ADGRB3: variants seen among roughly 807,000 people sequenced by gnomAD.
The protein encoded by ADGRB3 is brain-specific angiogenesis inhibitor 3.
ADGRB3 carries 37 observed loss-of-function variants against 193.4 expected under a neutral mutation model. The ratio of observed to expected loss-of-function variants is 0.19; its 90% CI spans 0.15 to 0.25. The LOEUF is 0.25. Ranked by LOEUF, ADGRB3 falls within the 10% of genes least tolerant of loss-of-function variation. ADGRB3 has a pLI of 1.00. For synonymous variants in ADGRB3, 690 were observed against 644.2 expected, an observed-to-expected ratio of 1.07 and a Z score of -1.08; for missense variants, 1,637 against 1,852.9, an observed-to-expected ratio of 0.88 and a Z score of 2.14.
chr6:68,785,743 C>T (rs1410495006), intron 3 of ADGRB3, among the ~76,000 whole-genome samples: 1 of 152,108 alleles, frequency 6.6e-6, no homozygotes. Flanking sequence ...CCAACTTCCA[C>T]AATGGTTGAA....
rs767737769 is a variant in ADGRB3, at chr6:69,048,343, C to G, written c.2257+9C>G. The G allele has an allele frequency of 6.2e-6, 10 of 1,609,934 alleles. No individual in the cohort carries two copies. The African/African-American group carries it at 1.3e-4, about 22-fold the overall frequency. On this transcript the variant is annotated intron_variant, in intron 14 of 31. Transcript: ENST00000370598. ...TCCGGTGTCATCAAAAGGTAAATAT[C>G]TGAAATAATATGAGCTTGAACAAGA...
intron 3 of ADGRB3, among the ~76,000 whole-genome samples, chr6:68,677,129 T>G (rs1281512079): frequency 6.6e-6 from 1 of 152,330 alleles, no homozygotes; most frequent in African/African-American, 2.4e-5. Flanking sequence ...GAATACGTAC[T>G]ATATTGGCGA....
At chr6:69,290,754 ATATATAG>A (rs1337917020) in intron 20 of ADGRB3, among the ~76,000 whole-genome samples, 1 of 152,206 alleles carries the variant, frequency 6.6e-6, no homozygotes, top group African/African-American at 2.4e-5. Context: ...TATGTCTATC[ATATATAG>A]CAGTATCACA....
chr6:68,883,042 C>T lies in ADGRB3; in HGVS notation c.758-47517C>T, dbSNP rs551102456. On this transcript the variant is annotated intron_variant, in intron 3 of 31. Transcript: ENST00000370598. ...CGGAGTAGCTGGGACTACAGGTGCCCGCCACAATTACCAGCTAATTTTTTT... is the reference window on the plus strand; with the variant it reads ...CGGAGTAGCTGGGACTACAGGTGCCTGCCACAATTACCAGCTAATTTTTTT... Among the ~76,000 whole-genome samples the T allele has an allele frequency of 1.7e-3, 253 of 152,096 alleles. 3 individuals carry two copies. The highest frequency in any genetic ancestry group is 5.9e-3 in the African/African-American group (243 of 41,480).
chr6:69,315,584 A>C (rs569659044), intron 20 of ADGRB3, among the ~76,000 whole-genome samples: 1 of 151,460 alleles, frequency 6.6e-6, no homozygotes, highest in Non-Finnish European at 1.5e-5. Flanking sequence ...ATATGCAGTT[A>C]TTAGTGCAGC....
chr6:68,853,745 A>G (rs188133240), intron 3 of ADGRB3, among the ~76,000 whole-genome samples: 14 of 150,880 alleles, frequency 9.3e-5, no homozygotes, highest in Non-Finnish European at 1.8e-4. Flanking sequence ...TCAGACTTGC[A>G]AAAAAAAAGT....
rs189015368 is a variant in ADGRB3, at chr6:68,997,323, G to A, written c.1929+3361G>A. On this transcript the variant is annotated intron_variant, in intron 11 of 31. Transcript: ENST00000370598. ...AACCATGAAGACCTTGAAAACTTTT[G>A]AAGGCCTTTAATATGGCTGTGATGA... 3.3e-5 allele frequency among the ~76,000 whole-genome samples: 5 copies of A among 151,906 alleles called. No individual in the cohort carries two copies. The East Asian group carries it at 7.8e-4, about 24-fold the overall frequency.
intron 3 of ADGRB3, among the ~76,000 whole-genome samples, chr6:68,823,438 A>G (rs1767784448): frequency 6.6e-6 from 1 of 152,034 alleles, no homozygotes; most frequent in Non-Finnish European, 1.5e-5. Context: ...ATAACTAAAT[A>G]GATACTAATA....
At chr6:68,877,201 A>G (rs944052586) in intron 3 of ADGRB3, among the ~76,000 whole-genome samples, 1 of 152,040 alleles carries the variant, frequency 6.6e-6, no homozygotes, top group Non-Finnish European at 1.5e-5. Flanking sequence ...ATTAATGGGT[A>G]AAATTATATG....
At chr6:69,082,563 C>A (rs1772417019) in intron 17 of ADGRB3, among the ~76,000 whole-genome samples, 1 of 151,856 alleles carries the variant, frequency 6.6e-6, no homozygotes, top group Non-Finnish European at 1.5e-5. Context: ...TTTAATTATC[C>A]ATAGAGTTTT....
rs114574161 is a variant in ADGRB3, at chr6:68,753,791, C to T, written c.757+114359C>T. ...AAAGCAGCCTGGTGCTGGTTGGGGACGCTGGGTGTATTCGCAGGACACCAT... is the reference window on the plus strand; with the variant it reads ...AAAGCAGCCTGGTGCTGGTTGGGGATGCTGGGTGTATTCGCAGGACACCAT... On this transcript the variant is annotated intron_variant, in intron 3 of 31. Coordinates refer to ENST00000370598, the MANE Select transcript of ADGRB3 (RefSeq NM_001704.3). Among the ~76,000 whole-genome samples, 1,038 of 152,146 alleles carry T rather than the reference C, an allele frequency of 6.8e-3. 10 individuals are homozygous for T. The highest frequency in any genetic ancestry group is 0.023 in the African/African-American group (956 of 41,514).
chr6:69,364,664 G>A (rs1238008752), intron 29 of ADGRB3, among the ~76,000 whole-genome samples: 1 of 151,902 alleles, frequency 6.6e-6, no homozygotes, highest in African/African-American at 2.4e-5. Context: ...CACTATTATG[G>A]AACAATTGCA....
intron 3 of ADGRB3, among the ~76,000 whole-genome samples, chr6:68,904,191 A>G (rs1185025126): frequency 1.3e-5 from 2 of 152,024 alleles, no homozygotes; most frequent in East Asian, 3.9e-4. Flanking sequence ...TGTAAAGGCT[A>G]TAAACTTAAC....
chr6:68,734,804 T>G (rs192332437), intron 3 of ADGRB3, among the ~76,000 whole-genome samples: 11 of 152,132 alleles, frequency 7.2e-5, no homozygotes, highest in Admixed American at 7.2e-4. Context: ...TGAAAGAGTT[T>G]AAAGGAATGT....
chr6:68,994,606 A>G (rs1263119253), intron 11 of ADGRB3, among the ~76,000 whole-genome samples: 3 of 152,196 alleles, frequency 2.0e-5, no homozygotes, highest in African/African-American at 7.2e-5. Context: ...AACAAAGCTT[A>G]TTGAATGGCA....
At chr6:69,015,827 A>T (rs192114882) in intron 12 of ADGRB3, among the ~76,000 whole-genome samples, 1 of 152,016 alleles carries the variant, frequency 6.6e-6, no homozygotes, top group Non-Finnish European at 1.5e-5. Context: ...CCTACTAAAA[A>T]TGTAGTCTAC....
chr6:69,273,321 A>C (rs1382526618), intron 20 of ADGRB3, among the ~76,000 whole-genome samples: 2 of 152,214 alleles, frequency 1.3e-5, no homozygotes, highest in African/African-American at 2.4e-5. Context: ...TCCATATATC[A>C]AAATCACTTC....
intron 3 of ADGRB3, among the ~76,000 whole-genome samples, chr6:68,839,291 C>T (rs73745900): frequency 0.03 from 4,566 of 152,242 alleles, 199 homozygotes; most frequent in African/African-American, 0.1. Context: ...CTCTGCCATT[C>T]CTCTGCTCCA....
rs781194186 is a variant in ADGRB3 at position 68,993,940 on chromosome 6, T to G, written c.1907T>G (p.Ile636Ser). 1.2e-6 allele frequency: 2 copies of G among 1,613,660 alleles called. No homozygotes were observed. Among genetic ancestry groups the G allele is most frequent in the East Asian group, 4.5e-5 (2 of 44,872 alleles). The change falls in exon 11 of 32, where the codon ATC (isoleucine) becomes AGC (serine). Residue 636 changes from isoleucine (I) to serine (S), a missense_variant. Physicochemically the swap from Ile to Ser is moderately radical, Grantham distance 142 (BLOSUM62 -2). Around this residue, in one of 7 missense-constraint regions of ADGRB3, gnomAD observed 641 missense variants for 673.9 expected, o/e 0.95. Transcript: ENST00000370598. ...GACACATTTAAAAGGGCAAGTTACA[T>G]CCCTGCATCTGATGGTGTCCAGGTA... is the stretch of plus-strand genomic sequence containing the variant. ...VTDTFKRASY[I>S]PASDGVQNFF...
Sources: gnomAD v4.1 joint callset for allele counts (sites outside exome capture counted in the v4.1 genomes callset) on GRCh38, gnomAD v4.1.1 for gene constraint, gnomAD v4.1.1 regional missense constraint, MANE v1.5 for transcripts, NCBI Gene and HGNC (gene_info 2026-07-23, HGNC 2026-07-21) for gene names.